Variants in NELL2 observed in about 807,000 individuals in gnomAD.
NELL2 encodes neural EGFL like 2.
NELL2 carries 41 observed loss-of-function variants against 109.6 expected under a neutral mutation model. That is an observed-to-expected ratio of 0.37 (90% CI 0.29 to 0.49). NELL2 has a LOEUF of 0.49. NELL2 is among the 20% of genes least tolerant of loss of function. The probability of loss-of-function intolerance (pLI) is 0.98; values close to 1 mark genes in which losing one functional copy is unlikely to be tolerated. For missense variants in NELL2, 900 were observed against 1,008.3 expected, an observed-to-expected ratio of 0.89 and a Z score of 1.45; for synonymous variants, 355 against 344.7, an observed-to-expected ratio of 1.03 and a Z score of -0.33.
Position 44,876,302 on chromosome 12 carries a change from A to G in NELL2, c.-433T>C. 1 of 1,173,180 alleles carries G rather than the reference A, an allele frequency of 8.5e-7. No homozygotes were observed. Among genetic ancestry groups the G allele is most frequent in the Non-Finnish European group, 1.1e-6 (1 of 947,292 alleles). The allele number at this position is 1,173,180 out of a possible 1,614,324, so 72.7% of individuals were successfully genotyped here. A position where few individuals can be genotyped will look rare whatever the true frequency, so the allele number is the denominator to read the frequency against. On this transcript the variant is annotated 5_prime_UTR_variant, in exon 1 of 20. Transcript: ENST00000429094. ...TTCCCCGCCGCCCGAACCTGTTGTA[A>G]AGGCAGAGACAATGGAGAAAGCTCC... is the stretch of plus-strand genomic sequence containing the variant.
intron 15 of NELL2, among the ~76,000 whole-genome samples, chr12:44,598,439 T>C (rs1282669273): frequency 6.6e-6 from 1 of 152,114 alleles, no homozygotes; most frequent in Non-Finnish European, 1.5e-5. Flanking sequence ...ATCATTATTG[T>C]TTTTTCCTAT....
chr12:44,610,831 G>A lies in NELL2; in HGVS notation c.1567+17C>T. The A allele has an allele frequency of 1.2e-6, 2 of 1,612,584 alleles. No individual in the cohort carries two copies. The highest frequency in any genetic ancestry group is 1.7e-6 in the Non-Finnish European group (2 of 1,178,980). On this transcript the variant is annotated intron_variant, in intron 14 of 19. Coordinates refer to ENST00000429094, the MANE Select transcript of NELL2 (RefSeq NM_001145108.2). Reference sequence around the variant, plus strand: ...ATTATACATAATGGAAGAGGCACTGGCATTTAAACCTTTTACCTTTGCATG... The same window carrying A: ...ATTATACATAATGGAAGAGGCACTGACATTTAAACCTTTTACCTTTGCATG...
chr12:44,751,824 G>A (rs1940665809), intron 9 of NELL2, among the ~76,000 whole-genome samples: 2 of 152,034 alleles, frequency 1.3e-5, no homozygotes, highest in South Asian at 4.1e-4. Flanking sequence ...GCTATTCTAA[G>A]CTTTAGTTAT....
At chr12:44,799,378 T>C (rs893339191) in intron 3 of NELL2, among the ~76,000 whole-genome samples, 8 of 152,172 alleles carry the variant, frequency 5.3e-5, no homozygotes, top group Non-Finnish European at 8.8e-5. Context: ...CCAATCTTGA[T>C]GGCAGCTGCA....
intron 15 of NELL2, among the ~76,000 whole-genome samples, chr12:44,535,576 A>G (rs998135472): frequency 6.6e-6 from 1 of 152,010 alleles, no homozygotes; most frequent in Non-Finnish European, 1.5e-5. Context: ...CATATAGAAC[A>G]GTATTTCCAA....
chr12:44,849,931 C>G (rs1395397), intron 2 of NELL2, among the ~76,000 whole-genome samples: 1 of 151,950 alleles, frequency 6.6e-6, no homozygotes, highest in Non-Finnish European at 1.5e-5. Flanking sequence ...CCAAATATAG[C>G]AAAACTAGTC....
chr12:44,750,587 C>T (rs187243585), intron 9 of NELL2, among the ~76,000 whole-genome samples: 193 of 152,206 alleles, frequency 1.3e-3, no homozygotes, highest in Admixed American at 4.4e-3. Flanking sequence ...CCAAGAAATT[C>T]ACTAGATTCA....
intron 1 of NELL2, among the ~76,000 whole-genome samples, chr12:44,919,394 A>G (rs1201073033): frequency 6.6e-6 from 1 of 152,126 alleles, no homozygotes; most frequent in African/African-American, 2.4e-5. Flanking sequence ...TGTTGAATGT[A>G]ACTGTGTTAT....
intron 9 of NELL2, among the ~76,000 whole-genome samples, chr12:44,774,398 C>G (rs1416741214): frequency 6.6e-6 from 1 of 152,168 alleles, no homozygotes; most frequent in Non-Finnish European, 1.5e-5. Context: ...TCATGGATTT[C>G]TTTGGTTATT....
At chr12:44,723,182 C>A (rs564634859) in intron 9 of NELL2, among the ~76,000 whole-genome samples, 1 of 148,980 alleles carries the variant, frequency 6.7e-6, no homozygotes, top group African/African-American at 2.6e-5. Flanking sequence ...CAGAGCAAGA[C>A]TCCGTCTCAA....
At chr12:44,722,822 C>T (rs1272065763) in intron 9 of NELL2, among the ~76,000 whole-genome samples, 1 of 152,092 alleles carries the variant, frequency 6.6e-6, no homozygotes, top group Non-Finnish European at 1.5e-5. Context: ...TTGGTTTTAC[C>T]TATACTCCCA....
intron 15 of NELL2, among the ~76,000 whole-genome samples, chr12:44,538,492 C>A (rs138054862): frequency 6.6e-6 from 1 of 152,006 alleles, no homozygotes; most frequent in Non-Finnish European, 1.5e-5. Flanking sequence ...TTTTGTAAGA[C>A]GGATTTAGGT....
At chr12:44,735,380 C>A (rs1347410250) in intron 9 of NELL2, among the ~76,000 whole-genome samples, 1 of 151,842 alleles carries the variant, frequency 6.6e-6, no homozygotes, top group Non-Finnish European at 1.5e-5. Flanking sequence ...TTATCCTTCA[C>A]CAAAGGCATA....
chr12:44,850,359 TTAGAGA>T (rs1944497560), intron 2 of NELL2, among the ~76,000 whole-genome samples: 1 of 152,116 alleles, frequency 6.6e-6, no homozygotes, highest in Admixed American at 6.5e-5. Context: ...TGAGATAGTG[TTAGAGA>T]TAGAGTGACA....
At chr12:44,631,078 A>C (rs1226274109) in intron 13 of NELL2, among the ~76,000 whole-genome samples, 1 of 151,408 alleles carries the variant, frequency 6.6e-6, no homozygotes, top group Non-Finnish European at 1.5e-5. Flanking sequence ...TACCTTCAGA[A>C]CTCCTAGGTA....
intron 12 of NELL2, among the ~76,000 whole-genome samples, chr12:44,676,337 T>G (rs959675186): frequency 1.3e-5 from 2 of 152,108 alleles, no homozygotes; most frequent in Non-Finnish European, 2.9e-5. Context: ...AATATAAAAT[T>G]TCTAAGTTTA....
At chr12:44,670,588 T>C (rs940761333) in intron 12 of NELL2, among the ~76,000 whole-genome samples, 6 of 150,678 alleles carry the variant, frequency 4.0e-5, no homozygotes, top group Non-Finnish European at 5.9e-5. Context: ...AAGATACACA[T>C]AGACTAAAAG....
intron 9 of NELL2, among the ~76,000 whole-genome samples, chr12:44,767,107 T>C (rs1026912800): frequency 6.6e-6 from 1 of 152,128 alleles, no homozygotes; most frequent in African/African-American, 2.4e-5. Context: ...CACTTTCATA[T>C]CAGACAAAAG....
At chr12:44,872,536 A>T (rs887195124) in intron 2 of NELL2, among the ~76,000 whole-genome samples, 44 of 152,310 alleles carry the variant, frequency 2.9e-4, no homozygotes, top group African/African-American at 1.0e-3. Context: ...ATGCATCTCA[A>T]AATCCACTAA....
Sources: gnomAD v4.1 joint callset for allele counts (sites outside exome capture counted in the v4.1 genomes callset) on GRCh38, gnomAD v4.1.1 for gene constraint, MANE v1.5 for transcripts, NCBI Gene and HGNC (gene_info 2026-07-23, HGNC 2026-07-21) for gene names.